Variants in C4BPB observed in about 807,000 individuals in gnomAD.
C4BPB encodes the protein C4b-binding protein beta chain.
Under a neutral mutation model 26.6 loss-of-function variants are expected in C4BPB, and 19 were observed. The observed-to-expected ratio is 0.71, with a 90% CI of 0.50 to 1.05. C4BPB has a LOEUF of 1.05. Among genes scored for constraint, C4BPB ranks in the 50% least tolerant of loss-of-function variants. C4BPB has a pLI of 0.00. For missense variants in C4BPB, 282 were observed against 302.9 expected (o/e 0.93, Z 0.51); for synonymous variants, 118 against 103.5 (o/e 1.14, Z -0.85).
chr1:207,090,256 T>C, intron 2 of C4BPB, 52 bp from the exon 3 acceptor site: 3 of 1,407,104 alleles, frequency 2.1e-6, no homozygotes, highest in Non-Finnish European at 2.9e-6. Context: ...TAATAAGGGT[T>C]CTCTGACAGC....
At chr1:207,098,927 T>A (rs72468029) in intron 6 of C4BPB, among the ~76,000 whole-genome samples, 15,150 of 151,170 alleles carry the variant, frequency 0.1, 927 homozygotes, top group Middle Eastern at 0.18. Flanking sequence ...CTGGGAATGA[T>A]GAGAGACAGT....
intron 4 of C4BPB, 108 bp downstream of exon 4, chr1:207,091,928 C>A: frequency 1.1e-6 from 1 of 939,138 alleles, no homozygotes; most frequent in Non-Finnish European, 1.5e-6. Flanking sequence ...GTATCAGAGA[C>A]AGGCTTAAGA....
intron 4 of C4BPB, among the ~76,000 whole-genome samples, chr1:207,092,807 A>G (rs1248184592): frequency 1.3e-5 from 2 of 151,700 alleles, no homozygotes; most frequent in Non-Finnish European, 2.9e-5. Flanking sequence ...TTGTATTTTT[A>G]GTAGAGACGG....
At chr1:207,098,429 A>G (rs548826520) in intron 6 of C4BPB, among the ~76,000 whole-genome samples, 165 bp downstream of exon 6, 26 of 152,314 alleles carry the variant, frequency 1.7e-4, no homozygotes, top group Non-Finnish European at 3.5e-4. Flanking sequence ...ATTAACTCAC[A>G]TTTTTATAAA....
rs139557965 is a variant in C4BPB at position 207,091,918 on chromosome 1, G to A, written c.409+98G>A. On this transcript the variant is annotated intron_variant, in intron 4 of 6. Transcript: ENST00000367078. ...CCCTGGGATGCTTTTCTCTTTTTTTGTATCAGAGACAGGCTTAAGATCTAG... is the reference window on the plus strand; with the variant it reads ...CCCTGGGATGCTTTTCTCTTTTTTTATATCAGAGACAGGCTTAAGATCTAG... 6.7e-4 allele frequency: 698 copies of A among 1,039,678 alleles called. 2 individuals carry two copies. The African/African-American group carries it at 9.7e-3, about 14-fold the overall frequency. 64.4% of individuals were successfully genotyped at this position (1,039,678 alleles called of 1,614,324 possible). A position where few individuals can be genotyped will look rare whatever the true frequency, so the allele number is the denominator to read the frequency against.
Position 207,096,621 on chromosome 1 carries a change from T to C in C4BPB, c.503+6T>C. 1 of 1,505,108 alleles carries C rather than the reference T, an allele frequency of 6.6e-7. No homozygotes were observed. The highest frequency in any genetic ancestry group is 9.2e-7 in the Non-Finnish European group (1 of 1,090,122). 93.2% of individuals were successfully genotyped at this position (1,505,108 alleles called of 1,614,324 possible). A position where few individuals can be genotyped will look rare whatever the true frequency, so the allele number is the denominator to read the frequency against. On this transcript the variant is annotated splice_donor_region_variant and intron_variant, in intron 5 of 6. Transcript: ENST00000367078. ...AGTTATTACTGTGAAGACAGGTAAG[T>C]GAACACAGCCTGTCAAATGCCAGAT... is the stretch of plus-strand genomic sequence containing the variant.
At chr1:207,096,436 C>T (rs751071834) in intron 4 of C4BPB, 86 bp from the exon 5 acceptor site, 2 of 809,838 alleles carry the variant, frequency 2.5e-6, no homozygotes, top group Non-Finnish European at 4.4e-6. Context: ...CTGTCAGGTG[C>T]TGGCATAAAC....
intron 6 of C4BPB, 81 bp downstream of exon 6, chr1:207,098,345 T>A (rs906911846): frequency 2.3e-6 from 2 of 863,226 alleles, no homozygotes; most frequent in Non-Finnish European, 3.8e-6. Flanking sequence ...GCTCAGTATA[T>A]ATCTGTTTAA....
rs1360965050 is a variant in C4BPB at position 207,090,237 on chromosome 1, G to T, written c.59-71G>T. 30 of 1,187,236 alleles carry T rather than the reference G, an allele frequency of 2.5e-5. No homozygotes were observed. In the East Asian group the frequency reaches 7.5e-4, roughly 30 times the overall value. 73.5% of individuals were successfully genotyped at this position (1,187,236 alleles called of 1,614,324 possible). On this transcript the variant is annotated intron_variant, in intron 2 of 6. Coordinates refer to ENST00000367078, the MANE Select transcript of C4BPB (RefSeq NM_001017365.3). ...TAATCCAGCAAAAAGACATGAGAAT[G>T]GGGAAATCTAATAAGGGTTCTCTGA...
Position 207,090,538 on chromosome 1 carries a change from C to T in C4BPB, c.232+57C>T, listed in dbSNP as rs141150429. The T allele has an allele frequency of 9.6e-5, 139 of 1,440,756 alleles. No homozygotes were observed. The African/African-American group carries it at 1.8e-3, about 19-fold the overall frequency. 89.2% of individuals were successfully genotyped at this position (1,440,756 alleles called of 1,614,324 possible). A position where few individuals can be genotyped will look rare whatever the true frequency, so the allele number is the denominator to read the frequency against. ...ATTGATATCCTGTTTTACTCCTTCACATCCTACTTCCTATAGGCTGTGGTA... is the reference window on the plus strand; with the variant it reads ...ATTGATATCCTGTTTTACTCCTTCATATCCTACTTCCTATAGGCTGTGGTA... On this transcript the variant is annotated intron_variant, in intron 3 of 6. Transcript: ENST00000367078.
At chr1:207,090,564 A>C (rs748726850) in intron 3 of C4BPB, 83 bp downstream of exon 3, 6 of 1,304,364 alleles carry the variant, frequency 4.6e-6, no homozygotes, top group Non-Finnish European at 6.3e-6. Flanking sequence ...GGCTGTGGTA[A>C]AACTTTATAA....
intron 4 of C4BPB, among the ~76,000 whole-genome samples, chr1:207,094,116 T>C (rs1173846611): frequency 6.6e-6 from 1 of 152,190 alleles, no homozygotes; most frequent in Admixed American, 6.6e-5. Context: ...CCTGAGGAAA[T>C]AGCCATTTAC....
In C4BPB at chr1:207,091,734, A is replaced by C. The variant is rs752343117; in HGVS notation, c.323A>C (p.Asn108Thr). 6.2e-7 allele frequency: 1 copy of C among 1,613,992 alleles called. No individual in the cohort carries two copies. The highest frequency in any genetic ancestry group is 2.2e-5 in the East Asian group (1 of 44,894). The change falls in exon 4 of 7, where the codon AAT (asparagine) becomes ACT (threonine). Residue 108 changes from asparagine (N) to threonine (T), a missense_variant. Coordinates refer to ENST00000367078, the MANE Select transcript of C4BPB (RefSeq NM_001017365.3). ...NVSDKITFMC[N>T]DHYILKGSNR... is the part of the protein sequence containing the mutation. ...AGTGACAAAATCACGTTTATGTGCA[A>C]TGACCACTACATCCTCAAGGGCAGC...
At chr1:207,094,642 C>A (rs1684171410) in intron 4 of C4BPB, among the ~76,000 whole-genome samples, 1 of 152,112 alleles carries the variant, frequency 6.6e-6, no homozygotes, top group Non-Finnish European at 1.5e-5. Flanking sequence ...AAACCAGATT[C>A]TTTCTGTTTA....
Position 207,096,462 on chromosome 1 carries a change from T to C in C4BPB, c.410-60T>C, listed in dbSNP as rs1228661996. The C allele has an allele frequency of 4.2e-6, 4 of 961,998 alleles. No homozygotes were observed. The Admixed American group carries it at 6.8e-5, about 16-fold the overall frequency. The allele number at this position is 961,998 out of a possible 1,614,324, so 59.6% of individuals were successfully genotyped here. On this transcript the variant is annotated intron_variant, in intron 4 of 6. Coordinates refer to ENST00000367078, the MANE Select transcript of C4BPB (RefSeq NM_001017365.3). ...TGGCATAAACAGCTGCAATTAGGGG[T>C]GCTGTTCATTGAGCGTGCCTGGCCC...
chr1:207,097,245 C>A (rs2102314636), intron 5 of C4BPB, among the ~76,000 whole-genome samples: 1 of 152,046 alleles, frequency 6.6e-6, no homozygotes. Context: ...CAGTGTCTCC[C>A]TCTGTCACCC....
Position 207,099,857 on chromosome 1 carries a change from TG to T in C4BPB, c.689del (p.Gly230AlafsTer2). ...ACTTTATGCAACAATTAAAGGAAAG[TG>T]GCATGACAATGGAGGAGCTAAAATA... Reference protein sequence around the residue: ...ENFMQQLKESGMTMEELKYSL... With the variant: ...ENFMQQLKESXMTMEELKYSL... On this transcript the variant is annotated frameshift_variant, in exon 7 of 7. Transcript: ENST00000367078. LOFTEE classifies it low-confidence loss of function (END_TRUNC). The T allele has an allele frequency of 1.2e-6, 2 of 1,613,960 alleles. No homozygotes were observed. The highest frequency in any genetic ancestry group is 1.7e-6 in the Non-Finnish European group (2 of 1,179,848).
chr1:207,091,893 C>T, intron 4 of C4BPB, 73 bp downstream of exon 4: 1 of 1,258,534 alleles, frequency 7.9e-7, no homozygotes, highest in Non-Finnish European at 1.1e-6. Context: ...TTTGCCACAT[C>T]CCTGGGATGC....
At chr1:207,096,897 C>T (rs1008858240) in intron 5 of C4BPB, among the ~76,000 whole-genome samples, 4 of 152,178 alleles carry the variant, frequency 2.6e-5, no homozygotes, top group Non-Finnish European at 4.4e-5. Flanking sequence ...TTTGGCTGGG[C>T]GTGATGGCTC....
Sources: gnomAD v4.1 joint callset for allele counts (sites outside exome capture counted in the v4.1 genomes callset) on GRCh38, gnomAD v4.1.1 for gene constraint, MANE v1.5 for transcripts, NCBI Gene and HGNC (gene_info 2026-07-23, HGNC 2026-07-21) for gene names.